CCSER1: variants seen among roughly 807,000 people sequenced by gnomAD.
CCSER1 encodes serine-rich coiled-coil domain-containing protein 1.
CCSER1 carries 41 observed loss-of-function variants against 82.0 expected under a neutral mutation model. The observed-to-expected ratio is 0.50, with a 90% CI of 0.39 to 0.65. CCSER1 has a LOEUF of 0.65. Among genes scored for constraint, CCSER1 ranks in the 30% least tolerant of loss-of-function variants. The pLI is 0.00. For missense variants in CCSER1, 1,119 were observed against 1,064.2 expected (o/e 1.05, Z -0.72); for synonymous variants, 414 against 383.9 (o/e 1.08, Z -0.92).
chr4:90,905,640 T>C (rs1725354775), intron 8 of CCSER1, among the ~76,000 whole-genome samples: 1 of 152,134 alleles, frequency 6.6e-6, no homozygotes, highest in Admixed American at 6.6e-5. Context: ...AACATTTGCT[T>C]ATTGGAAGTC....
intron 10 of CCSER1, chr4:91,112,824 T>C (rs1407707238): frequency 6.6e-6 from 1 of 152,172 alleles, no homozygotes; most frequent in Non-Finnish European, 1.5e-5. Context: ...TACAAGACAT[T>C]TTCATGGAAG....
chr4:90,412,354 T>C (rs1216342143), intron 4 of CCSER1, among the ~76,000 whole-genome samples: 3 of 147,718 alleles, frequency 2.0e-5, no homozygotes, highest in Non-Finnish European at 4.5e-5. Flanking sequence ...TAGGGAGATA[T>C]ACCTAATGCT....
intron 7 of CCSER1, among the ~76,000 whole-genome samples, chr4:90,796,415 AT>A (rs202086906): frequency 4.9e-3 from 468 of 95,660 alleles, no homozygotes; most frequent in African/African-American, 0.022. Flanking sequence ...ATTGTACTAA[AT>A]TTAAAAAAAA....
chr4:90,226,513 A>C (rs145516789), intron 1 of CCSER1, among the ~76,000 whole-genome samples: 1 of 152,376 alleles, frequency 6.6e-6, no homozygotes, highest in African/African-American at 2.4e-5. Context: ...AGTTGGTATA[A>C]GAAAATTCAT....
chr4:90,204,910 T>A (rs1738497634), intron 1 of CCSER1, among the ~76,000 whole-genome samples: 1 of 152,198 alleles, frequency 6.6e-6, no homozygotes, highest in Non-Finnish European at 1.5e-5. Flanking sequence ...GTCCTTTACA[T>A]CCCTTGTAAG....
chr4:90,587,907 A>T (rs1236294280), intron 5 of CCSER1, among the ~76,000 whole-genome samples: 1 of 152,216 alleles, frequency 6.6e-6, no homozygotes. Context: ...AATCAAGTGA[A>T]TATCACAGTA....
chr4:91,135,392 T>G (rs1303062484), intron 10 of CCSER1, among the ~76,000 whole-genome samples: 2 of 152,272 alleles, frequency 1.3e-5, no homozygotes, highest in East Asian at 3.9e-4. Flanking sequence ...AAGTGGATCC[T>G]AGACCAGAAG....
chr4:90,858,285 A>T (rs918966014), intron 8 of CCSER1, among the ~76,000 whole-genome samples: 3 of 152,068 alleles, frequency 2.0e-5, no homozygotes, highest in Non-Finnish European at 4.4e-5. Flanking sequence ...AACAAAGATG[A>T]AAGAAATATT....
At chr4:91,023,416 G>A (rs1581362646) in intron 9 of CCSER1, among the ~76,000 whole-genome samples, 1 of 152,094 alleles carries the variant, frequency 6.6e-6, no homozygotes, top group Non-Finnish European at 1.5e-5. Flanking sequence ...ATACTACAAG[G>A]CTACAGTAAC....
chr4:90,616,734 CACACAA>C (rs1204477750), intron 5 of CCSER1, among the ~76,000 whole-genome samples: 7 of 64,156 alleles, frequency 1.1e-4, no homozygotes, highest in Non-Finnish European at 1.8e-4. Context: ...CACACACACA[CACACAA>C]ATAAAATAAA....
intron 10 of CCSER1, among the ~76,000 whole-genome samples, chr4:91,544,212 T>C (rs534005689): frequency 1.4e-3 from 206 of 152,242 alleles, no homozygotes; most frequent in African/African-American, 4.7e-3. Context: ...CCTAATCTTT[T>C]TTCCAGTTTT....
intron 5 of CCSER1, among the ~76,000 whole-genome samples, chr4:90,484,815 C>A (rs191290138): frequency 6.6e-6 from 1 of 152,176 alleles, no homozygotes; most frequent in Admixed American, 6.5e-5. Context: ...TTAGGCTACT[C>A]GGGGGTTAGG....
At chr4:91,231,135 A>G (rs140864759) in intron 10 of CCSER1, among the ~76,000 whole-genome samples, 6 of 151,928 alleles carry the variant, frequency 3.9e-5, no homozygotes, top group African/African-American at 1.4e-4. Flanking sequence ...ATTCATAAAT[A>G]TATACGCACG....
intron 1 of CCSER1, among the ~76,000 whole-genome samples, chr4:90,265,921 T>G (rs1234492365): frequency 6.6e-6 from 1 of 152,152 alleles, no homozygotes; most frequent in Non-Finnish European, 1.5e-5. Context: ...TAAATACAAG[T>G]TTAGTTCTGT....
chr4:90,455,123 G>A (rs959668006), intron 4 of CCSER1, among the ~76,000 whole-genome samples: 6 of 152,180 alleles, frequency 3.9e-5, no homozygotes, highest in East Asian at 1.9e-4. Context: ...GCAAAGGTCC[G>A]AACTTCCCTG....
intron 10 of CCSER1, among the ~76,000 whole-genome samples, chr4:91,488,575 G>C (rs977133105): frequency 1.3e-5 from 2 of 152,140 alleles, no homozygotes; most frequent in African/African-American, 4.8e-5. Flanking sequence ...TAGTGAGTGA[G>C]TTAGCACGAG....
intron 6 of CCSER1, among the ~76,000 whole-genome samples, chr4:90,664,974 A>G (rs1344637950): frequency 6.6e-6 from 1 of 152,216 alleles, no homozygotes; most frequent in African/African-American, 2.4e-5. Flanking sequence ...ATTGAATTTT[A>G]GTTCTGTGGA....
At chr4:91,317,519 GC>G (rs1745915693) in intron 10 of CCSER1, among the ~76,000 whole-genome samples, 1 of 151,830 alleles carries the variant, frequency 6.6e-6, no homozygotes, top group Non-Finnish European at 1.5e-5. Context: ...AAGTTTGTCA[GC>G]TTTGCCTGGA....
intron 9 of CCSER1, among the ~76,000 whole-genome samples, chr4:91,045,672 G>C (rs1330347558): frequency 6.6e-6 from 1 of 152,094 alleles, no homozygotes; most frequent in Admixed American, 6.6e-5. Context: ...TTCTTTGATA[G>C]ATATAATTCT....
Sources: gnomAD v4.1 joint callset for allele counts (sites outside exome capture counted in the v4.1 genomes callset) on GRCh38, gnomAD v4.1.1 for gene constraint, MANE v1.5 for transcripts, NCBI Gene and HGNC (gene_info 2026-07-23, HGNC 2026-07-21) for gene names.